The following SLC35F4 variants were observed in gnomAD, a reference collection of about 807,000 sequenced individuals.
The protein encoded by SLC35F4 is chromosome 14 open reading frame 36.
A neutral mutation model predicts 44.2 loss-of-function variants in SLC35F4; 24 were observed. That is an observed-to-expected ratio of 0.54 (90% CI 0.39 to 0.76). The LOEUF is 0.76. SLC35F4 is among the 30% of genes least tolerant of loss of function. SLC35F4 has a pLI of 0.00. For missense variants in SLC35F4, 562 were observed against 586.1 expected (o/e 0.96, Z 0.42); for synonymous variants, 238 against 223.6 (o/e 1.06, Z -0.57).
At chr14:57,727,180 A>G (rs1418232009) in intron 1 of SLC35F4, among the ~76,000 whole-genome samples, 1 of 151,578 alleles carries the variant, frequency 6.6e-6, no homozygotes. Context: ...CCCTCTAGAG[A>G]ACCCTAATAC....
chr14:57,706,578 A>G (rs774356948), intron 1 of SLC35F4, among the ~76,000 whole-genome samples: 3 of 152,224 alleles, frequency 2.0e-5, no homozygotes, highest in Admixed American at 6.5e-5. Flanking sequence ...TGAGCATATA[A>G]CAGGAGTCTC....
chr14:57,590,791 G>A (rs376339507), intron 2 of SLC35F4, among the ~76,000 whole-genome samples: 4 of 152,148 alleles, frequency 2.6e-5, no homozygotes, highest in Admixed American at 6.5e-5. Flanking sequence ...TTAAAGTAGC[G>A]CAGCCCAGAG....
chr14:57,926,420 C>T (rs1401702156), intron 1 of SLC35F4, among the ~76,000 whole-genome samples: 2 of 152,156 alleles, frequency 1.3e-5, no homozygotes, highest in East Asian at 1.9e-4. Context: ...TACACAGTCA[C>T]GCAAACACAT....
At chr14:57,820,942 TA>T (rs766930829) in intron 1 of SLC35F4, among the ~76,000 whole-genome samples, 1 of 152,254 alleles carries the variant, frequency 6.6e-6, no homozygotes, top group Non-Finnish European at 1.5e-5. Flanking sequence ...TGCTATCACA[TA>T]AGGCTTATAA....
chr14:57,929,181 C>T (rs1889642810), intron 1 of SLC35F4, among the ~76,000 whole-genome samples: 1 of 152,154 alleles, frequency 6.6e-6, no homozygotes, highest in African/African-American at 2.4e-5. Flanking sequence ...TTTCCATCTG[C>T]TATATTCTCC....
intron 1 of SLC35F4, among the ~76,000 whole-genome samples, chr14:57,887,332 C>T (rs1307465043): frequency 2.6e-5 from 4 of 152,212 alleles, no homozygotes; most frequent in South Asian, 4.1e-4. Flanking sequence ...TGCATTCAAG[C>T]TCCCTGGCTC....
At chr14:57,905,131 C>A (rs567741391) in intron 1 of SLC35F4, among the ~76,000 whole-genome samples, 8 of 152,150 alleles carry the variant, frequency 5.3e-5, no homozygotes, top group Admixed American at 5.2e-4. Context: ...TGGAAGTTTA[C>A]CAATCTGAAT....
chr14:57,700,482 A>G (rs1184196921), intron 1 of SLC35F4, among the ~76,000 whole-genome samples: 4 of 152,298 alleles, frequency 2.6e-5, no homozygotes, highest in South Asian at 2.1e-4. Flanking sequence ...CTACATTTAT[A>G]TTTTAAAAAT....
At chr14:57,838,131 G>A (rs1447680174) in intron 1 of SLC35F4, among the ~76,000 whole-genome samples, 1 of 152,090 alleles carries the variant, frequency 6.6e-6, no homozygotes, top group African/African-American at 2.4e-5. Flanking sequence ...AGAAATAAAT[G>A]AATAAACAAA....
At chr14:57,729,919 G>A (rs545662791) in intron 1 of SLC35F4, among the ~76,000 whole-genome samples, 2 of 152,280 alleles carry the variant, frequency 1.3e-5, no homozygotes, top group South Asian at 2.1e-4. Context: ...CACTAGAGCT[G>A]GTCAAAATGT....
rs2068957220 is a variant in SLC35F4, at chr14:57,578,325, G to GTTTGTTT, written c.807+2888_807+2889insAAACAAA. ...GATGACTGAAAGCATCCCTTTAACTGTTTTTTTTTTTTTTTTTTTTTTTTT... is the reference window on the plus strand; with the variant it reads ...GATGACTGAAAGCATCCCTTTAACTGTTTGTTTTTTTTTTTTTTTTTTTTTTTTTTTT... On this transcript the variant is annotated intron_variant, in intron 4 of 7. Coordinates refer to ENST00000556826, the MANE Select transcript of SLC35F4 (RefSeq NM_001306087.2). Among the ~76,000 whole-genome samples the GTTTGTTT allele has an allele frequency of 1.2e-4, 5 of 43,116 alleles. 1 individual carries two copies. Among genetic ancestry groups the GTTTGTTT allele is most frequent in the African/African-American group, 4.0e-4 (5 of 12,524 alleles). The allele number at this position is 43,116 out of a possible 152,430, so 28.3% of individuals were successfully genotyped here. A position where few individuals can be genotyped will look rare whatever the true frequency, so the allele number is the denominator to read the frequency against.
At position 57,943,525 on chromosome 14, in the gene SLC35F4, C is replaced by T. The variant is rs566764533; in HGVS notation, n.282+38388G>A. On this transcript the variant is annotated intron_variant and non_coding_transcript_variant, in intron 1 of 1. Coordinates refer to the SLC35F4 transcript ENST00000556568. ...TCTCTCATATAGTTAATAGTCTCACCGCATGGTGCCTTAGCAAAGTACAAC... is the reference window on the plus strand; with the variant it reads ...TCTCTCATATAGTTAATAGTCTCACTGCATGGTGCCTTAGCAAAGTACAAC... Among the ~76,000 whole-genome samples, 329 of 152,198 alleles carry T rather than the reference C, an allele frequency of 2.2e-3. 3 individuals are homozygous for T. Among genetic ancestry groups the T allele is most frequent in the East Asian group, 9.6e-4 (5 of 5,182 alleles).
intron 1 of SLC35F4, among the ~76,000 whole-genome samples, chr14:57,669,594 G>A (rs886571585): frequency 7.9e-5 from 12 of 151,994 alleles, no homozygotes; most frequent in Admixed American, 2.6e-4. Flanking sequence ...ATAATCATGC[G>A]GTTTTTGTCA....
At chr14:57,586,093 G>T (rs1320463824) in intron 3 of SLC35F4, among the ~76,000 whole-genome samples, 1 of 152,180 alleles carries the variant, frequency 6.6e-6, no homozygotes, top group East Asian at 1.9e-4. Flanking sequence ...CAAGGCTACA[G>T]TAACCAAAAC....
chr14:57,892,625 T>G (rs538020748), intron 1 of SLC35F4, among the ~76,000 whole-genome samples: 1 of 152,146 alleles, frequency 6.6e-6, no homozygotes, highest in Non-Finnish European at 1.5e-5. Context: ...CCAATCAATC[T>G]CTCAAGTGAT....
At chr14:57,805,281 A>G (rs1881175401) in intron 1 of SLC35F4, among the ~76,000 whole-genome samples, 1 of 152,228 alleles carries the variant, frequency 6.6e-6, no homozygotes, top group Non-Finnish European at 1.5e-5. Flanking sequence ...TATATACCCA[A>G]AGGAATAGAA....
At chr14:57,865,685 T>A in intron 1 of SLC35F4, 38 bp downstream of exon 1, 1 of 1,489,830 alleles carries the variant, frequency 6.7e-7, no homozygotes, top group South Asian at 1.2e-5. Context: ...CCCACCTCCC[T>A]TCCCCGCCTC....
chr14:57,749,440 A>G (rs778027276), intron 1 of SLC35F4, among the ~76,000 whole-genome samples: 2 of 152,166 alleles, frequency 1.3e-5, no homozygotes, highest in Non-Finnish European at 2.9e-5. Context: ...CAGAATGCCA[A>G]ACTTGCAGGG....
intron 1 of SLC35F4, among the ~76,000 whole-genome samples, chr14:57,734,612 G>A (rs1051192602): frequency 6.6e-6 from 1 of 152,050 alleles, no homozygotes; most frequent in Admixed American, 6.6e-5. Flanking sequence ...ACAACACAGG[G>A]AAAATCACTC....
Sources: gnomAD v4.1 joint callset for allele counts (sites outside exome capture counted in the v4.1 genomes callset) on GRCh38, gnomAD v4.1.1 for gene constraint, MANE v1.5 for transcripts, NCBI Gene and HGNC (gene_info 2026-07-23, HGNC 2026-07-21) for gene names.